KIF6: variants seen among roughly 807,000 people sequenced by gnomAD.
The protein encoded by KIF6 is kinesin family member 6, also known as kinesin-like protein KIF6.
Under a neutral mutation model 112.7 loss-of-function variants are expected in KIF6, and 106 were observed. The ratio of observed to expected loss-of-function variants is 0.94; its 90% CI spans 0.80 to 1.11. The LOEUF (loss-of-function observed/expected upper bound fraction) is 1.11, where lower values mean the gene tolerates loss of function less well. KIF6 is among the 50% of genes least tolerant of loss of function. The pLI, the probability that KIF6 is intolerant of heterozygous loss-of-function variation, is 0.00. For missense variants in KIF6, 929 were observed against 964.0 expected, an observed-to-expected ratio of 0.96 and a Z score of 0.48; for synonymous variants, 339 against 339.9, an observed-to-expected ratio of 1.00 and a Z score of 0.03.
At chr6:39,381,937 G>T (rs1395844602) in intron 16 of KIF6, among the ~76,000 whole-genome samples, 1 of 152,148 alleles carries the variant, frequency 6.6e-6, no homozygotes, top group African/African-American at 2.4e-5. Context: ...ATGAGCAGAG[G>T]AATTAAGGCA....
At chr6:39,532,689 T>C (rs1778143004) in intron 13 of KIF6, among the ~76,000 whole-genome samples, 1 of 152,246 alleles carries the variant, frequency 6.6e-6, no homozygotes, top group South Asian at 2.1e-4. Context: ...AATCTTGTCT[T>C]AACTAAAATA....
chr6:39,673,149 T>C (rs187617909), intron 3 of KIF6, among the ~76,000 whole-genome samples: 2 of 152,332 alleles, frequency 1.3e-5, no homozygotes, highest in Admixed American at 1.3e-4. Context: ...GTATTCATTT[T>C]CCCTGCTTCT....
intron 3 of KIF6, among the ~76,000 whole-genome samples, chr6:39,688,700 A>C (rs1425946167): frequency 1.3e-5 from 2 of 152,334 alleles, no homozygotes; most frequent in Non-Finnish European, 2.9e-5. Context: ...CACCTCTGAG[A>C]CATATTCCCC....
chr6:39,593,462 A>G (rs1468342718), intron 7 of KIF6, among the ~76,000 whole-genome samples: 1 of 152,140 alleles, frequency 6.6e-6, no homozygotes, highest in Non-Finnish European at 1.5e-5. Context: ...TCAGCCTAAC[A>G]TCTCCATGTT....
intron 13 of KIF6, among the ~76,000 whole-genome samples, chr6:39,458,436 G>T (rs1773282838): frequency 7.0e-6 from 1 of 143,450 alleles, no homozygotes; most frequent in Non-Finnish European, 1.5e-5. Context: ...GCAAAAACTG[G>T]AAGCATTCCC....
At chr6:39,683,966 G>C (rs1482913350) in intron 3 of KIF6, among the ~76,000 whole-genome samples, 1 of 152,196 alleles carries the variant, frequency 6.6e-6, no homozygotes, top group Non-Finnish European at 1.5e-5. Context: ...TCAAAGGAGA[G>C]TTTGGATTCA....
chr6:39,725,041 C>T lies in KIF6; in HGVS notation c.66+204G>A, dbSNP rs1330441477. On this transcript the variant is annotated intron_variant, in intron 1 of 22. Transcript: ENST00000287152. ...TCTGCGCTGTGCCAGGTAGGAGTGG[C>T]CTGGCTGTCGGTCGCGTAGCTGACA... Among the ~76,000 whole-genome samples, 5 of 152,320 alleles carry T rather than the reference C, an allele frequency of 3.3e-5. No individual in the cohort carries two copies. The South Asian group carries it at 1.0e-3, about 32-fold the overall frequency.
At chr6:39,356,696 G>T (rs191143554) in intron 19 of KIF6, among the ~76,000 whole-genome samples, 139 of 152,340 alleles carry the variant, frequency 9.1e-4, no homozygotes, top group Admixed American at 4.6e-3. Flanking sequence ...TCTGGCATCA[G>T]ATGGACAATG....
chr6:39,365,326 C>T (rs1419265337), intron 16 of KIF6, among the ~76,000 whole-genome samples: 2 of 152,234 alleles, frequency 1.3e-5, no homozygotes, highest in African/African-American at 4.8e-5. Flanking sequence ...CTGAAGTCCA[C>T]ACTGTCATCT....
At chr6:39,408,965 T>C in intron 15 of KIF6, among the ~76,000 whole-genome samples, 1 of 152,178 alleles carries the variant, frequency 6.6e-6, no homozygotes, top group East Asian at 1.9e-4. Context: ...CGTTAACCTC[T>C]CTGCCTCTTT....
chr6:39,657,835 G>T (rs2465672), intron 3 of KIF6, among the ~76,000 whole-genome samples: 20,132 of 152,212 alleles, frequency 0.13, 1,629 homozygotes, highest in African/African-American at 0.23. Flanking sequence ...CTCCTTGGCA[G>T]ATATGAACAT....
intron 3 of KIF6, among the ~76,000 whole-genome samples, chr6:39,659,528 T>A (rs1308911137): frequency 1.3e-5 from 2 of 152,160 alleles, no homozygotes; most frequent in Non-Finnish European, 2.9e-5. Context: ...GTAGTTCCCA[T>A]AATCCCCACG....
At chr6:39,359,913 T>C (rs954905207) in intron 18 of KIF6, among the ~76,000 whole-genome samples, 2 of 152,174 alleles carry the variant, frequency 1.3e-5, no homozygotes, top group African/African-American at 4.8e-5. Context: ...CAAAAACATA[T>C]GGATATATAT....
intron 10 of KIF6, among the ~76,000 whole-genome samples, chr6:39,552,551 T>C (rs1286181194): frequency 6.6e-6 from 1 of 152,184 alleles, no homozygotes; most frequent in Admixed American, 6.5e-5. Context: ...ATCCCCACTC[T>C]TTGCATTCAT....
chr6:39,587,673 A>G (rs767726614), intron 7 of KIF6, among the ~76,000 whole-genome samples: 4 of 152,026 alleles, frequency 2.6e-5, no homozygotes, highest in Non-Finnish European at 4.4e-5. Context: ...CGGAACCCTG[A>G]CCAGGACTAT....
At chr6:39,589,505 A>G (rs544455859) in intron 7 of KIF6, among the ~76,000 whole-genome samples, 35 of 152,280 alleles carry the variant, frequency 2.3e-4, no homozygotes, top group Non-Finnish European at 4.3e-4. Context: ...TGTCTCCCTC[A>G]GTTCTCGTGG....
At chr6:39,341,955 A>G (rs1280106303) in intron 22 of KIF6, among the ~76,000 whole-genome samples, 3 of 152,248 alleles carry the variant, frequency 2.0e-5, no homozygotes, top group Non-Finnish European at 4.4e-5. Flanking sequence ...TAAAGCATCA[A>G]TCACATCATA....
At chr6:39,661,384 T>C (rs1786138716) in intron 3 of KIF6, among the ~76,000 whole-genome samples, 1 of 152,194 alleles carries the variant, frequency 6.6e-6, no homozygotes, top group Admixed American at 6.5e-5. Context: ...CAGCACAAAG[T>C]TAAGTACTCC....
At chr6:39,590,623 G>A (rs1183386868) in intron 7 of KIF6, among the ~76,000 whole-genome samples, 1 of 151,566 alleles carries the variant, frequency 6.6e-6, no homozygotes, top group Non-Finnish European at 1.5e-5. Flanking sequence ...AACTAATTTT[G>A]TATTTTTAGT....
Sources: allele counts gnomAD v4.1 joint callset (sites outside exome capture counted in the v4.1 genomes callset), GRCh38; gene constraint gnomAD v4.1.1; transcripts MANE v1.5; gene names NCBI Gene and HGNC (gene_info 2026-07-23, HGNC 2026-07-21).